The following PABPC4L variants were observed in gnomAD, a reference collection of about 807,000 sequenced individuals.
PABPC4L encodes the protein polyadenylate-binding protein 4-like.
For missense variants in PABPC4L, 452 were observed against 451.4 expected (o/e 1.00, Z -0.01); for synonymous variants, 169 against 164.1 (o/e 1.03, Z -0.23).
chr4:134,127,940 T>G, the PABPC4L span, among the ~76,000 whole-genome samples: 152 of 151,920 alleles, frequency 1.0e-3, no homozygotes, highest in African/African-American at 3.4e-3. Context: ...AAATCTCCAA[T>G]GAAATAAATA....
the PABPC4L span, among the ~76,000 whole-genome samples, chr4:133,987,053 A>G: frequency 6.6e-6 from 1 of 152,198 alleles, no homozygotes; most frequent in African/African-American, 2.4e-5. Context: ...TCAATTGTTG[A>G]TAATGTTCCA....
At chr4:134,122,693 T>TA in the PABPC4L span, among the ~76,000 whole-genome samples, 1 of 151,872 alleles carries the variant, frequency 6.6e-6, no homozygotes, top group Non-Finnish European at 1.5e-5. Flanking sequence ...CAATTTAAAA[T>TA]ATTATCTAAA....
At chr4:134,059,913 A>C in the PABPC4L span, among the ~76,000 whole-genome samples, 1 of 152,130 alleles carries the variant, frequency 6.6e-6, no homozygotes, top group Admixed American at 6.6e-5. Flanking sequence ...ACCTGGTTTT[A>C]ACTTCGTATC....
At chr4:134,085,360 T>C in the PABPC4L span, among the ~76,000 whole-genome samples, 1 of 152,166 alleles carries the variant, frequency 6.6e-6, no homozygotes, top group Non-Finnish European at 1.5e-5. Context: ...AATACACATG[T>C]ACATATACAA....
At chr4:134,078,818 A>G in the PABPC4L span, among the ~76,000 whole-genome samples, 1 of 150,580 alleles carries the variant, frequency 6.6e-6, no homozygotes. Context: ...ATGCCTGGCT[A>G]ATTTTTTTTT....
At chr4:134,168,564 A>C in the PABPC4L span, among the ~76,000 whole-genome samples, 1 of 151,950 alleles carries the variant, frequency 6.6e-6, no homozygotes, top group Admixed American at 6.6e-5. Flanking sequence ...CAAATAAATA[A>C]AATCAAAGAG....
At chr4:134,017,394 C>T in the PABPC4L span, among the ~76,000 whole-genome samples, 6 of 152,068 alleles carry the variant, frequency 3.9e-5, no homozygotes, top group African/African-American at 1.2e-4. Context: ...TTGGACTGTG[C>T]CCCAAAAAAC....
the PABPC4L span, among the ~76,000 whole-genome samples, chr4:133,974,121 G>T: frequency 2.0e-5 from 3 of 152,102 alleles, no homozygotes; most frequent in African/African-American, 4.8e-5. Flanking sequence ...GCTACAAATT[G>T]CAGTAATCAA....
At chr4:134,042,613 T>C in the PABPC4L span, among the ~76,000 whole-genome samples, 2 of 152,208 alleles carry the variant, frequency 1.3e-5, no homozygotes, top group Non-Finnish European at 2.9e-5. Context: ...ACACTATTAA[T>C]AATTTTGCCA....
the PABPC4L span, among the ~76,000 whole-genome samples, chr4:133,962,891 A>G: frequency 1.3e-5 from 2 of 152,212 alleles, no homozygotes. Context: ...ACATGTCAAA[A>G]CAGAACATTT....
downstream of PABPC4L, among the ~76,000 whole-genome samples, chr4:134,195,068 AC>A (rs1729618792): frequency 6.6e-6 from 1 of 151,754 alleles, no homozygotes; most frequent in Admixed American, 6.6e-5. Context: ...TCATTTGTAT[AC>A]AAACTATATA....
the PABPC4L span, among the ~76,000 whole-genome samples, chr4:134,123,252 C>G: frequency 6.6e-6 from 1 of 151,938 alleles, no homozygotes; most frequent in Non-Finnish European, 1.5e-5. Flanking sequence ...CCATAATGTA[C>G]CTATTAGCCT....
chr4:133,972,520 A>G, the PABPC4L span, among the ~76,000 whole-genome samples: 4 of 152,136 alleles, frequency 2.6e-5, no homozygotes, highest in Admixed American at 6.6e-5. Flanking sequence ...CCTTTGGGTC[A>G]AGAAAGCGAC....
the PABPC4L span, among the ~76,000 whole-genome samples, chr4:134,119,683 A>G: frequency 6.6e-6 from 1 of 151,610 alleles, no homozygotes. Context: ...ATCAATGTTC[A>G]AACATCACCA....
the PABPC4L span, among the ~76,000 whole-genome samples, chr4:134,079,705 G>A: frequency 3.1e-3 from 477 of 151,534 alleles, 2 homozygotes; most frequent in African/African-American, 0.011. Context: ...GTGAGAGAGA[G>A]AGAGAGAGAA....
At chr4:133,976,577 A>G in the PABPC4L span, among the ~76,000 whole-genome samples, 1 of 152,190 alleles carries the variant, frequency 6.6e-6, no homozygotes, top group African/African-American at 2.4e-5. Flanking sequence ...ATTCCCACCA[A>G]CAGTGTAAAA....
At chr4:134,185,569 C>G in the PABPC4L span, among the ~76,000 whole-genome samples, 9 of 152,114 alleles carry the variant, frequency 5.9e-5, no homozygotes, top group African/African-American at 2.2e-4. Context: ...GATAAACCCA[C>G]AGCCAATATC....
the PABPC4L span, among the ~76,000 whole-genome samples, chr4:134,106,652 G>GA: frequency 1.8e-3 from 274 of 151,596 alleles, no homozygotes; most frequent in Middle Eastern, 3.4e-3. Context: ...GTAATCAATA[G>GA]AAAAAATTGG....
the PABPC4L span, among the ~76,000 whole-genome samples, chr4:134,022,133 G>A: frequency 6.6e-6 from 1 of 152,028 alleles, no homozygotes; most frequent in African/African-American, 2.4e-5. Flanking sequence ...TATGAATGCT[G>A]CTAACCCGGC....
Sources: allele counts gnomAD v4.1 joint callset (sites outside exome capture counted in the v4.1 genomes callset), GRCh38; gene constraint gnomAD v4.1.1; transcripts MANE v1.5; gene names NCBI Gene and HGNC (gene_info 2026-07-23, HGNC 2026-07-21).